The following PRELID2 variants were observed in gnomAD, a reference collection of about 807,000 sequenced individuals.
PRELID2 encodes PRELI domain containing 2, also known as PRELI domain-containing protein 2.
PRELID2 carries 25 observed loss-of-function variants against 28.4 expected under a neutral mutation model. That is an observed-to-expected ratio of 0.88 (90% CI 0.64 to 1.23). PRELID2 has a LOEUF of 1.23. Ranked by LOEUF, PRELID2 falls within the 50% of genes most tolerant of loss-of-function variation. The probability of loss-of-function intolerance (pLI) is 0.00; values close to 1 mark genes in which losing one functional copy is unlikely to be tolerated. For missense variants in PRELID2, 201 were observed against 214.4 expected (o/e 0.94, Z 0.39); for synonymous variants, 76 against 71.6 (o/e 1.06, Z -0.31).
chr5:145,539,248 T>C (rs1483375834), intron 1 of PRELID2, among the ~76,000 whole-genome samples: 1 of 152,022 alleles, frequency 6.6e-6, no homozygotes, highest in East Asian at 1.9e-4. Flanking sequence ...CCATTTTGAG[T>C]TATATATGTA....
intron 1 of PRELID2, among the ~76,000 whole-genome samples, chr5:145,509,063 G>T (rs1752439127): frequency 6.6e-6 from 1 of 152,160 alleles, no homozygotes; most frequent in Non-Finnish European, 1.5e-5. Context: ...AACTGAGAGG[G>T]TTCCTGCAAG....
chr5:145,551,867 G>A (rs1489815001), intron 1 of PRELID2, among the ~76,000 whole-genome samples: 1 of 152,158 alleles, frequency 6.6e-6, no homozygotes, highest in Non-Finnish European at 1.5e-5. Flanking sequence ...GAAAGTAGGT[G>A]TGTCTGGCAG....
intron 5 of PRELID2, among the ~76,000 whole-genome samples, chr5:145,793,433 A>G (rs1752527098): frequency 6.6e-6 from 1 of 152,234 alleles, no homozygotes; most frequent in East Asian, 1.9e-4. Context: ...CACAGAAACC[A>G]TTTATGCAGG....
At chr5:145,815,826 G>C (rs993402680) in intron 4 of PRELID2, among the ~76,000 whole-genome samples, 1 of 152,118 alleles carries the variant, frequency 6.6e-6, no homozygotes, top group Admixed American at 6.5e-5. Flanking sequence ...ACATTGGCTT[G>C]TTTCTACATT....
At chr5:145,605,564 C>T (rs1257121501) in intron 1 of PRELID2, among the ~76,000 whole-genome samples, 5 of 152,048 alleles carry the variant, frequency 3.3e-5, no homozygotes, top group South Asian at 4.1e-4. Flanking sequence ...CATGCTGCTG[C>T]GGTTTCTGTA....
chr5:145,467,416 C>A (rs1752011781), downstream of PRELID2, among the ~76,000 whole-genome samples: 1 of 152,046 alleles, frequency 6.6e-6, no homozygotes, highest in Admixed American at 6.6e-5. Context: ...TATGACAAAC[C>A]ATTCCAAGTC....
chr5:145,682,871 T>A (rs978385709), intron 1 of PRELID2, among the ~76,000 whole-genome samples: 2 of 152,162 alleles, frequency 1.3e-5, no homozygotes, highest in Non-Finnish European at 2.9e-5. Flanking sequence ...ATCAAGAAGC[T>A]TTTCAACACT....
At chr5:145,333,731 T>C in the PRELID2 span, among the ~76,000 whole-genome samples, 1 of 150,794 alleles carries the variant, frequency 6.6e-6, no homozygotes, top group Non-Finnish European at 1.5e-5. Flanking sequence ...TCCACTGAGC[T>C]AGACCACTTT....
chr5:145,626,089 C>T lies in PRELID2; in HGVS notation n.70+138842G>A, dbSNP rs192807438. 6.6e-5 allele frequency among the ~76,000 whole-genome samples: 10 copies of T among 151,966 alleles called. No homozygotes were observed. The East Asian group carries it at 1.9e-3, about 29-fold the overall frequency. ...AAGTATAAAAATCCTAGAAGAAAACCTAGAAAAAAACTCTTGTGAACTTTG... is the reference window on the plus strand; with the variant it reads ...AAGTATAAAAATCCTAGAAGAAAACTTAGAAAAAAACTCTTGTGAACTTTG... On this transcript the variant is annotated intron_variant and non_coding_transcript_variant, in intron 1 of 2. Coordinates refer to the PRELID2 transcript ENST00000510259.
At chr5:145,648,964 C>T (rs1248924689) in intron 1 of PRELID2, among the ~76,000 whole-genome samples, 1 of 152,016 alleles carries the variant, frequency 6.6e-6, no homozygotes, top group Non-Finnish European at 1.5e-5. Context: ...GCAGTAGAAA[C>T]CATACTTTGA....
the PRELID2 span, among the ~76,000 whole-genome samples, chr5:145,433,672 C>T: frequency 6.6e-6 from 1 of 152,164 alleles, no homozygotes; most frequent in Non-Finnish European, 1.5e-5. Flanking sequence ...CCTCTTCCAA[C>T]TCCCGAGACA....
chr5:145,762,630 A>G (rs1477197631), intron 6 of PRELID2, among the ~76,000 whole-genome samples: 1 of 152,186 alleles, frequency 6.6e-6, no homozygotes, highest in African/African-American at 2.4e-5. Context: ...CACTACCAAC[A>G]ATTTAAATCC....
the PRELID2 span, among the ~76,000 whole-genome samples, chr5:145,349,217 G>A: frequency 6.6e-6 from 1 of 152,046 alleles, no homozygotes; most frequent in East Asian, 1.9e-4. Flanking sequence ...ATTCAGTTCT[G>A]TTTTTATATG....
the PRELID2 span, among the ~76,000 whole-genome samples, chr5:145,397,822 C>T: frequency 6.6e-6 from 1 of 152,138 alleles, no homozygotes; most frequent in African/African-American, 2.4e-5. Flanking sequence ...AACTGAGTTT[C>T]CATGCCCTAT....
chr5:145,484,702 C>T (rs1241312811), intron 1 of PRELID2, among the ~76,000 whole-genome samples: 2 of 152,152 alleles, frequency 1.3e-5, no homozygotes, highest in African/African-American at 4.8e-5. Context: ...CACACAAATA[C>T]ACACACAAAA....
chr5:145,659,763 A>G (rs898638242), intron 1 of PRELID2, among the ~76,000 whole-genome samples: 1 of 152,242 alleles, frequency 6.6e-6, no homozygotes, highest in Admixed American at 6.5e-5. Context: ...AGAGAGAGCA[A>G]TTCAAAGAAA....
intron 4 of PRELID2, among the ~76,000 whole-genome samples, chr5:145,810,865 C>T (rs994104884): frequency 6.6e-6 from 1 of 152,026 alleles, no homozygotes; most frequent in African/African-American, 2.4e-5. Context: ...TGTACAAGGG[C>T]ACATAGTTAC....
At chr5:145,651,464 G>A (rs1581028277) in intron 1 of PRELID2, among the ~76,000 whole-genome samples, 1 of 152,258 alleles carries the variant, frequency 6.6e-6, no homozygotes, top group East Asian at 1.9e-4. Flanking sequence ...GCCTCCTCAA[G>A]TGGGTCCCTG....
rs180901513 is a variant in PRELID2, at chr5:145,503,340, A to T, written n.71-30025T>A. ...CCACTTAATTCCACAGTTTAAAGCC[A>T]CATAGAGTGAAAGAGTACACACTAA... On this transcript the variant is annotated intron_variant and non_coding_transcript_variant, in intron 1 of 2. Transcript: ENST00000510259. 3.3e-5 allele frequency among the ~76,000 whole-genome samples: 5 copies of T among 152,292 alleles called. No homozygotes were observed. The East Asian group carries it at 5.8e-4, about 18-fold the overall frequency.
Sources: gnomAD v4.1 joint callset for allele counts (sites outside exome capture counted in the v4.1 genomes callset) on GRCh38, gnomAD v4.1.1 for gene constraint, MANE v1.5 for transcripts, NCBI Gene and HGNC (gene_info 2026-07-23, HGNC 2026-07-21) for gene names.